The following GLIPR1 variants were observed in gnomAD, a reference collection of about 807,000 sequenced individuals.
The protein encoded by GLIPR1 is GLI pathogenesis related 1.
Under a neutral mutation model 30.3 loss-of-function variants are expected in GLIPR1, and 38 were observed. The observed-to-expected ratio is 1.26, with a 90% CI of 0.97 to 1.65. GLIPR1 has a LOEUF of 1.65. Among genes scored for constraint, GLIPR1 ranks in the 40% most tolerant of loss-of-function variants. GLIPR1 has a pLI of 0.00. For synonymous variants in GLIPR1, 122 were observed against 110.6 expected (o/e 1.10, Z -0.65); for missense variants, 285 against 326.5 (o/e 0.87, Z 0.98).
chr12:75,481,751 T>C (rs748739490), intron 1 of GLIPR1, 83 bp from the exon 2 acceptor site: 4 of 1,288,414 alleles, frequency 3.1e-6, no homozygotes, highest in East Asian at 2.3e-5. Flanking sequence ...TTATCTCACC[T>C]CGTTTTCCAT....
Position 75,501,839 on chromosome 12 carries a change from T to TC in GLIPR1, c.*2861_*2862insC. The TC allele has an allele frequency of 1.3e-6, 2 of 1,571,628 alleles. No homozygotes were observed. The highest frequency in any genetic ancestry group is 3.5e-5 in the Admixed American group (2 of 57,312). On this transcript the variant is annotated 3_prime_UTR_variant, in exon 6 of 6. Transcript: ENST00000266659. Reference sequence around the variant, plus strand: ...AGCCTACATTAATAAATAAAAAATATATCAGTTAAATGTATTTATAGTTAA... The same window carrying TC: ...AGCCTACATTAATAAATAAAAAATATCATCAGTTAAATGTATTTATAGTTAA...
At chr12:75,482,453 G>C (rs939520036) in intron 2 of GLIPR1, among the ~76,000 whole-genome samples, 5 of 152,098 alleles carry the variant, frequency 3.3e-5, no homozygotes, top group Non-Finnish European at 5.9e-5. Flanking sequence ...TATAAAATTG[G>C]AAGAAACAAG....
At position 75,499,053 on chromosome 12, in the gene GLIPR1, G is replaced by GGTGTACTTCTATTTTAAAACATTT; in HGVS notation, c.*76_*99dup. ...CTTTTTTTTTAACCAATAACAATTA[G>GGTGTACTTCTATTTTAAAACATTT]GTGTACTTCTATTTTAAAACATTTC... On this transcript the variant is annotated 3_prime_UTR_variant, in exon 6 of 6. Coordinates refer to ENST00000266659, the MANE Select transcript of GLIPR1 (RefSeq NM_006851.3). 2.3e-6 allele frequency: 2 copies of GGTGTACTTCTATTTTAAAACATTT among 885,056 alleles called. No homozygotes were observed. The highest frequency in any genetic ancestry group is 4.2e-5 in the South Asian group (2 of 48,172). The allele number at this position is 885,056 out of a possible 1,614,324, so 54.8% of individuals were successfully genotyped here. A position where few individuals can be genotyped will look rare whatever the true frequency, so the allele number is the denominator to read the frequency against.
chr12:75,483,285 G>T (rs2046279659), intron 2 of GLIPR1, among the ~76,000 whole-genome samples: 1 of 152,166 alleles, frequency 6.6e-6, no homozygotes, highest in Admixed American at 6.5e-5. Context: ...CCTACAAGTG[G>T]TACTTGTACT....
rs933560527 is a variant in GLIPR1, at chr12:75,500,169, T to G, written c.*1191T>G. 7 of 346,474 alleles carry G rather than the reference T, an allele frequency of 2.0e-5. No individual in the cohort carries two copies. Among genetic ancestry groups the G allele is most frequent in the Non-Finnish European group, 3.6e-5 (7 of 196,010 alleles). 21.5% of individuals were successfully genotyped at this position (346,474 alleles called of 1,614,324 possible). ...TAAGATAAAACAAATCATAAAATAC[T>G]TTATATATTAGTACAAGTATACATA... On this transcript the variant is annotated 3_prime_UTR_variant, in exon 6 of 6. Coordinates refer to ENST00000266659, the MANE Select transcript of GLIPR1 (RefSeq NM_006851.3).
chr12:75,495,994 T>G (rs2046348287), intron 4 of GLIPR1: 1 of 164,334 alleles, frequency 6.1e-6, no homozygotes, highest in Non-Finnish European at 1.3e-5. Context: ...GAATTCTGTT[T>G]TCGTTTTTTT....
intron 2 of GLIPR1, chr12:75,484,273 A>G (rs1177751640): frequency 6.6e-6 from 1 of 152,204 alleles, no homozygotes; most frequent in Non-Finnish European, 1.5e-5. Flanking sequence ...TGGGCTGGGA[A>G]GATAGAGCAG....
rs1224165641 is a variant in GLIPR1 at position 75,501,835 on chromosome 12, A to C, written c.*2857A>C. Reference sequence around the variant, plus strand: ...GTTTAGCCTACATTAATAAATAAAAAATATATCAGTTAAATGTATTTATAG... The same window carrying C: ...GTTTAGCCTACATTAATAAATAAAACATATATCAGTTAAATGTATTTATAG... On this transcript the variant is annotated 3_prime_UTR_variant, in exon 6 of 6. Coordinates refer to ENST00000266659, the MANE Select transcript of GLIPR1 (RefSeq NM_006851.3). 6.3e-7 allele frequency: 1 copy of C among 1,577,448 alleles called. No homozygotes were observed. The highest frequency in any genetic ancestry group is 8.6e-7 in the Non-Finnish European group (1 of 1,156,336).
At position 75,499,783 on chromosome 12, in the gene GLIPR1, G is replaced by GTTCTAGTCAAGGAGTTTT; in HGVS notation, c.*806_*823dup. The GTTCTAGTCAAGGAGTTTT allele has an allele frequency of 6.4e-7, 1 of 1,561,914 alleles. No homozygotes were observed. Among genetic ancestry groups the GTTCTAGTCAAGGAGTTTT allele is most frequent in the African/African-American group, 1.4e-5 (1 of 71,872 alleles). On this transcript the variant is annotated 3_prime_UTR_variant, in exon 6 of 6. Coordinates refer to ENST00000266659, the MANE Select transcript of GLIPR1 (RefSeq NM_006851.3). ...TCAAAATCCTTTACAAAAGGAGATAGTTCTAGTCAAGGAGTTTTGGGTATG... is the reference window on the plus strand; with the variant it reads ...TCAAAATCCTTTACAAAAGGAGATAGTTCTAGTCAAGGAGTTTTTTCTAGTCAAGGAGTTTTGGGTATG...
intron 1 of GLIPR1, 139 bp from the exon 2 acceptor site, chr12:75,481,695 A>G: frequency 1.4e-6 from 1 of 731,188 alleles, no homozygotes; most frequent in Non-Finnish European, 2.3e-6. Flanking sequence ...TCAGTGCTTG[A>G]AGACCATATT....
chr12:75,499,601 C>CAA lies in GLIPR1; in HGVS notation c.*625_*626dup, dbSNP rs71684960. 3.2e-6 allele frequency: 1 copy of CAA among 313,224 alleles called. No individual in the cohort carries two copies. Among genetic ancestry groups the CAA allele is most frequent in the Non-Finnish European group, 5.7e-6 (1 of 176,574 alleles). 19.4% of individuals were successfully genotyped at this position (313,224 alleles called of 1,614,324 possible). On this transcript the variant is annotated 3_prime_UTR_variant, in exon 6 of 6. Coordinates refer to ENST00000266659, the MANE Select transcript of GLIPR1 (RefSeq NM_006851.3). ...ATAATCACAATGGTCGTAATGTATACAAAGACTTATATACCACTTTCTCGT... is the reference window on the plus strand; with the variant it reads ...ATAATCACAATGGTCGTAATGTATACAAAAAGACTTATATACCACTTTCTCGT...
chr12:75,483,691 C>T (rs2046281420), intron 2 of GLIPR1: 1 of 152,026 alleles, frequency 6.6e-6, no homozygotes, highest in African/African-American at 2.4e-5. Flanking sequence ...ACTTATCCGG[C>T]CAAAAGGAAG....
intron 4 of GLIPR1, chr12:75,495,990 T>C: frequency 5.8e-6 from 1 of 173,706 alleles, no homozygotes. Context: ...AACAGAATTC[T>C]GTTTTCGTTT....
chr12:75,498,360 T>C (rs1909976), intron 4 of GLIPR1: 4,307 of 181,580 alleles, frequency 0.024, 191 homozygotes, highest in African/African-American at 0.097. Flanking sequence ...TTTAGAACTA[T>C]ATTTTAATAA....
In GLIPR1 at chr12:75,490,474, C is replaced by T. The variant is rs28932170; in HGVS notation, c.489C>T (p.Asp163=). The change falls in exon 3 of 6, where the codon GAC becomes GAT. Residue 163 remains aspartate (D), a synonymous_variant. Transcript: ENST00000266659. The part of the protein sequence containing the change: ...VQFCPKVSGF[D]ALSNGAHFIC... ...TTTGCCCTAAAGTTTCTGGCTTTGA[C>T]GCTCTTTCCAATGGAGCACATTTTA... 134,028 of 1,571,178 alleles carry T rather than the reference C, an allele frequency of 0.085. 6,298 individuals carry two copies. Among genetic ancestry groups the T allele is most frequent in the South Asian group, 0.13 (11,469 of 90,134 alleles).
chr12:75,500,864 C>T lies in GLIPR1; in HGVS notation c.*1886C>T, dbSNP rs998283203. On this transcript the variant is annotated 3_prime_UTR_variant, in exon 6 of 6. Coordinates refer to ENST00000266659, the MANE Select transcript of GLIPR1 (RefSeq NM_006851.3). ...ACTAGCTATTGAGTATATTGAGTAC[C>T]TTCAAAGCACTCAACTGACAGGTTT... 1 of 152,012 alleles carries T rather than the reference C, an allele frequency of 6.6e-6. No homozygotes were observed. The highest frequency in any genetic ancestry group is 2.4e-5 in the African/African-American group (1 of 41,396). The allele number at this position is 152,012 out of a possible 1,614,324, so 9.4% of individuals were successfully genotyped here. A position where few individuals can be genotyped will look rare whatever the true frequency, so the allele number is the denominator to read the frequency against.
At chr12:75,495,811 T>C (rs1302281696) in intron 4 of GLIPR1, 149 bp downstream of exon 4, 1 of 498,956 alleles carries the variant, frequency 2.0e-6, no homozygotes, top group African/African-American at 2.0e-5. Flanking sequence ...CTTACTGTTC[T>C]AGGAATACAT....
chr12:75,491,379 C>G (rs1421023230), intron 3 of GLIPR1: 1 of 152,176 alleles, frequency 6.6e-6, no homozygotes, highest in African/African-American at 2.4e-5. Flanking sequence ...ATCTGGCTGT[C>G]TAGCTCCAGA....
At chr12:75,487,148 A>G (rs1340536408) in intron 2 of GLIPR1, among the ~76,000 whole-genome samples, 7 of 152,208 alleles carry the variant, frequency 4.6e-5, no homozygotes, top group Non-Finnish European at 1.0e-4. Context: ...ATAAAAATAT[A>G]AAATGAGCCA....
Sources: gnomAD v4.1 joint callset for allele counts (sites outside exome capture counted in the v4.1 genomes callset) on GRCh38, gnomAD v4.1.1 for gene constraint, MANE v1.5 for transcripts, NCBI Gene and HGNC (gene_info 2026-07-23, HGNC 2026-07-21) for gene names.